The following USP10 variants were observed in gnomAD, a reference collection of about 807,000 sequenced individuals.
USP10 encodes ubiquitin carboxyl-terminal hydrolase 10.
USP10 carries 22 observed loss-of-function variants against 84.5 expected under a neutral mutation model. That is an observed-to-expected ratio of 0.26 (90% CI 0.19 to 0.37). USP10 has a LOEUF of 0.37. USP10 is among the 10% of genes least tolerant of loss of function. The pLI, the probability that USP10 is intolerant of heterozygous loss-of-function variation, is 1.00. For missense variants in USP10, 1,019 were observed against 998.9 expected, an observed-to-expected ratio of 1.02 and a Z score of -0.27; for synonymous variants, 454 against 387.6, an observed-to-expected ratio of 1.17 and a Z score of -2.01.
intron 4 of USP10, among the ~76,000 whole-genome samples, chr16:84,757,106 CTTCT>C (rs1244157042): frequency 2.0e-4 from 31 of 152,252 alleles, no homozygotes; most frequent in African/African-American, 7.0e-4. Context: ...ATACACAAAG[CTTCT>C]AGCACAGTGT....
intron 12 of USP10, among the ~76,000 whole-genome samples, chr16:84,773,665 A>G (rs1914683364): frequency 6.6e-6 from 1 of 152,180 alleles, no homozygotes; most frequent in South Asian, 2.1e-4. Context: ...CTTATCACTC[A>G]TCAGCCGATT....
At chr16:84,746,803 CT>C (rs976793785) in intron 4 of USP10, among the ~76,000 whole-genome samples, 1 of 152,138 alleles carries the variant, frequency 6.6e-6, no homozygotes, top group African/African-American at 2.4e-5. Context: ...CCTACTGTAA[CT>C]TTTTTACGTT....
At chr16:84,768,979 G>C (rs1567648926) in intron 11 of USP10, among the ~76,000 whole-genome samples, 1 of 152,184 alleles carries the variant, frequency 6.6e-6, no homozygotes, top group Non-Finnish European at 1.5e-5. Context: ...CCCTGTGAGA[G>C]CTTATTAGTT....
At chr16:84,716,608 C>G (rs1434135398) in intron 1 of USP10, 1 of 152,134 alleles carries the variant, frequency 6.6e-6, no homozygotes, top group East Asian at 1.9e-4. Flanking sequence ...CTGCGTTGAG[C>G]TTTGAAGGAC....
chr16:84,711,719 CTTTTTTT>C lies in USP10; in HGVS notation c.21+11624_21+11630del, dbSNP rs10706586. Among the ~76,000 whole-genome samples, 277 of 114,286 alleles carry C rather than the reference CTTTTTTT, an allele frequency of 2.4e-3. 1 individual carries two copies. Among genetic ancestry groups the C allele is most frequent in the African/African-American group, 9.8e-3 (261 of 26,758 alleles). The allele number at this position is 114,286 out of a possible 152,430, so 75.0% of individuals were successfully genotyped here. Reference sequence around the variant, plus strand: ...AGTTTTAGGCGTGAGGAAGGGCTAGCTTTTTTTTTTTTTTTTTTTTTTGTCTGAGATG... The same window carrying C: ...AGTTTTAGGCGTGAGGAAGGGCTAGCTTTTTTTTTTTTTTTGTCTGAGATG... On this transcript the variant is annotated intron_variant, in intron 1 of 13. Transcript: ENST00000219473.
intron 12 of USP10, among the ~76,000 whole-genome samples, chr16:84,774,824 AT>A: frequency 6.6e-6 from 1 of 151,946 alleles, no homozygotes; most frequent in Non-Finnish European, 1.5e-5. Flanking sequence ...CTTGCCTTGG[AT>A]TTTTCACAAC....
chr16:84,766,632 C>G (rs1354199657), intron 10 of USP10, among the ~76,000 whole-genome samples: 1 of 152,200 alleles, frequency 6.6e-6, no homozygotes. Context: ...AGAGGGTCAG[C>G]ATACTCAAAG....
chr16:84,778,043 C>G (rs1191004517), intron 13 of USP10, among the ~76,000 whole-genome samples: 7 of 147,434 alleles, frequency 4.7e-5, no homozygotes, highest in Admixed American at 3.3e-4. Flanking sequence ...TGTTTTAGGC[C>G]TTTGACTAAG....
At chr16:84,712,207 A>G (rs1906397741) in intron 1 of USP10, among the ~76,000 whole-genome samples, 1 of 152,196 alleles carries the variant, frequency 6.6e-6, no homozygotes, top group South Asian at 2.1e-4. Flanking sequence ...TTGATTCTGT[A>G]GATGCCCTGT....
Position 84,745,445 on chromosome 16 carries a change from C to A in USP10, c.964C>A (p.Pro322Thr), listed in dbSNP as rs760570006. Residue 322 changes from proline to threonine, a missense_variant, in exon 4 of 14, where the codon CCT becomes ACT. Coordinates refer to ENST00000219473, the MANE Select transcript of USP10 (RefSeq NM_005153.3). ...LDPTKPESAS[P>T]PADGTGSASG... is the part of the protein sequence containing the mutation. ...CCCAACCAAACCCGAGAGTGCATCA[C>A]CTCCTGCTGACGGCACGGGCTCTGC... 1 of 1,613,802 alleles carries A rather than the reference C, an allele frequency of 6.2e-7. No individual in the cohort carries two copies. The highest frequency in any genetic ancestry group is 2.2e-5 in the East Asian group (1 of 44,886).
In USP10 at chr16:84,744,638, G is replaced by A. The variant is rs1391695490; in HGVS notation, c.157G>A (p.Glu53Lys). The A allele has an allele frequency of 6.2e-7, 1 of 1,606,482 alleles. No individual in the cohort carries two copies. The highest frequency in any genetic ancestry group is 2.2e-5 in the East Asian group (1 of 44,688). The change falls in exon 4 of 14, where the codon GAA becomes AAA. Residue 53 changes from glutamate (E) to lysine (K), a missense_variant. Physicochemically the swap from Glu to Lys is moderately conservative, Grantham distance 56 (BLOSUM62 1). Transcript: ENST00000219473. Reference protein sequence around the residue: ...QAVDKLPDGQEYQRIEFGVDE... With the variant: ...QAVDKLPDGQKYQRIEFGVDE... ...ATAGTTTTCTTTCTAAACAGGACAA[G>A]AATATCAGAGAATTGAGTTTGGTGT...
chr16:84,759,506 G>T (rs1350248407), intron 6 of USP10, 34 bp downstream of exon 6: 3 of 1,583,304 alleles, frequency 1.9e-6, no homozygotes, highest in Non-Finnish European at 2.6e-6. Context: ...GTTAAGTGGT[G>T]GGGTTTTTCC....
intron 2 of USP10, among the ~76,000 whole-genome samples, chr16:84,734,910 C>G (rs1567612399): frequency 6.6e-6 from 1 of 152,218 alleles, no homozygotes; most frequent in Non-Finnish European, 1.5e-5. Flanking sequence ...CCTTAGCTGT[C>G]CTGTCAGCCC....
At chr16:84,749,216 C>T (rs16974527) in intron 4 of USP10, among the ~76,000 whole-genome samples, 35,007 of 152,050 alleles carry the variant, frequency 0.23, 4,330 homozygotes, top group East Asian at 0.37. Context: ...AGTGGTAAAA[C>T]ATACTCAGTT....
intron 1 of USP10, among the ~76,000 whole-genome samples, chr16:84,712,156 A>G (rs754898207): frequency 1.9e-4 from 29 of 152,186 alleles, no homozygotes; most frequent in African/African-American, 6.5e-4. Context: ...AAGAAATCGC[A>G]GTATTTTGTG....
intron 4 of USP10, among the ~76,000 whole-genome samples, chr16:84,751,191 G>A (rs1911889625): frequency 6.6e-6 from 1 of 152,160 alleles, no homozygotes; most frequent in Non-Finnish European, 1.5e-5. Flanking sequence ...TGTAGCTTAG[G>A]AGCAATAGGC....
At chr16:84,712,902 C>T (rs1016082044) in intron 1 of USP10, among the ~76,000 whole-genome samples, 1 of 152,182 alleles carries the variant, frequency 6.6e-6, no homozygotes, top group African/African-American at 2.4e-5. Context: ...AGAGAGAATG[C>T]CTTCACCAGA....
In USP10 at chr16:84,747,001, C is replaced by T. The variant is rs555008793; in HGVS notation, c.1192+1328C>T. 2.0e-5 allele frequency among the ~76,000 whole-genome samples: 3 copies of T among 152,276 alleles called. No homozygotes were observed. In the South Asian group the frequency reaches 6.2e-4, roughly 32 times the overall value. On this transcript the variant is annotated intron_variant, in intron 4 of 13. Coordinates refer to ENST00000219473, the MANE Select transcript of USP10 (RefSeq NM_005153.3). ...TTAAAAAGTAAGACACAAACATTAG[C>T]CTGGGCCTGCACAGGGTCAGGAGCA...
intron 1 of USP10, among the ~76,000 whole-genome samples, chr16:84,726,245 C>A (rs967857523): frequency 1.3e-5 from 2 of 152,214 alleles, no homozygotes; most frequent in African/African-American, 2.4e-5. Flanking sequence ...TAGTCCCCAG[C>A]GTCTCCTGAA....
Sources: gnomAD v4.1 joint callset for allele counts (sites outside exome capture counted in the v4.1 genomes callset) on GRCh38, gnomAD v4.1.1 for gene constraint, MANE v1.5 for transcripts, NCBI Gene and HGNC (gene_info 2026-07-23, HGNC 2026-07-21) for gene names.